The following MVB12B variants were observed in gnomAD, a reference collection of about 807,000 sequenced individuals.
MVB12B encodes the protein multivesicular body subunit 12B.
A neutral mutation model predicts 41.6 loss-of-function variants in MVB12B; 16 were observed. That is an observed-to-expected ratio of 0.38 (90% CI 0.26 to 0.58). The LOEUF (loss-of-function observed/expected upper bound fraction) is 0.58, where lower values mean the gene tolerates loss of function less well. MVB12B is among the 20% of genes least tolerant of loss of function. The pLI is 0.62. For missense variants in MVB12B, 274 were observed against 380.2 expected, an observed-to-expected ratio of 0.72 and a Z score of 2.32; for synonymous variants, 133 against 139.7, an observed-to-expected ratio of 0.95 and a Z score of 0.34.
intron 7 of MVB12B, among the ~76,000 whole-genome samples, chr9:126,430,912 T>C (rs935685660): frequency 5.9e-5 from 9 of 152,252 alleles, no homozygotes; most frequent in African/African-American, 2.2e-4. Context: ...AATGCAGTAA[T>C]GCCCGTTTCC....
chr9:126,495,165 C>A (rs1833804269), intron 9 of MVB12B, among the ~76,000 whole-genome samples: 1 of 142,348 alleles, frequency 7.0e-6, no homozygotes, highest in Admixed American at 7.2e-5. Context: ...GCACTCCAGC[C>A]TGGGTAACAG....
At chr9:126,410,826 G>A (rs961304051) in intron 6 of MVB12B, among the ~76,000 whole-genome samples, 4 of 151,954 alleles carry the variant, frequency 2.6e-5, no homozygotes, top group Non-Finnish European at 4.4e-5. Context: ...TACCTCCCAG[G>A]GCCTAACAGA....
At chr9:126,328,888 T>A (rs980960933) in intron 1 of MVB12B, among the ~76,000 whole-genome samples, 2 of 152,132 alleles carry the variant, frequency 1.3e-5, no homozygotes, top group African/African-American at 4.8e-5. Context: ...ACTCAAGCGA[T>A]TCTCCCACCT....
chr9:126,471,227 G>C (rs1000424412), intron 7 of MVB12B, among the ~76,000 whole-genome samples: 1 of 152,182 alleles, frequency 6.6e-6, no homozygotes, highest in Non-Finnish European at 1.5e-5. Flanking sequence ...GTTGCTGTCT[G>C]ATCCCTCAGC....
At chr9:126,490,287 C>T (rs1206264759) in intron 9 of MVB12B, among the ~76,000 whole-genome samples, 1 of 152,188 alleles carries the variant, frequency 6.6e-6, no homozygotes, top group Non-Finnish European at 1.5e-5. Context: ...TCCCCACCCA[C>T]GGTCCCGCCC....
intron 7 of MVB12B, among the ~76,000 whole-genome samples, chr9:126,423,619 A>G (rs553177935): frequency 6.6e-6 from 1 of 152,326 alleles, no homozygotes; most frequent in South Asian, 2.1e-4. Flanking sequence ...AGTGGCTGCA[A>G]GCACCAAATT....
At chr9:126,397,803 G>A (rs1831158670) in intron 6 of MVB12B, among the ~76,000 whole-genome samples, 1 of 152,088 alleles carries the variant, frequency 6.6e-6, no homozygotes, top group Admixed American at 6.5e-5. Flanking sequence ...TTCCATTGAA[G>A]ACCTAGGAAA....
chr9:126,350,325 G>A (rs1401959927), intron 2 of MVB12B, among the ~76,000 whole-genome samples: 1 of 152,110 alleles, frequency 6.6e-6, no homozygotes, highest in African/African-American at 2.4e-5. Context: ...CAGAGCAAAT[G>A]TTTTTAATTT....
rs761007208 is a variant in MVB12B at position 126,439,083 on chromosome 9, AC to A, written c.757+17136del. ...ATTCCCTTAGCCCTGGGGGAATCGG[AC>A]TTTTTTTTTTATTTTAATACACTTC... On this transcript the variant is annotated intron_variant, in intron 7 of 9. Coordinates refer to ENST00000361171, the MANE Select transcript of MVB12B (RefSeq NM_033446.3). Among the ~76,000 whole-genome samples the A allele has an allele frequency of 5.9e-5, 9 of 151,550 alleles. No individual in the cohort carries two copies. The East Asian group carries it at 1.6e-3, about 26-fold the overall frequency.
chr9:126,399,971 C>A (rs1237804335), intron 6 of MVB12B, among the ~76,000 whole-genome samples: 1 of 152,194 alleles, frequency 6.6e-6, no homozygotes, highest in Non-Finnish European at 1.5e-5. Context: ...ACACAGGAGC[C>A]AAACTGAGGC....
intron 1 of MVB12B, 170 bp downstream of exon 1, chr9:126,327,180 G>A (rs1354205258): frequency 4.6e-6 from 4 of 876,688 alleles, no homozygotes; most frequent in Non-Finnish European, 5.5e-6. Context: ...AGGCCCGGGC[G>A]GCCTTTGCAG....
At chr9:126,375,495 C>A (rs142481655) in intron 2 of MVB12B, among the ~76,000 whole-genome samples, 3 of 151,740 alleles carry the variant, frequency 2.0e-5, no homozygotes, top group African/African-American at 7.3e-5. Context: ...ATGCTCTCCC[C>A]TCCACATCCC....
intron 2 of MVB12B, among the ~76,000 whole-genome samples, chr9:126,362,248 A>G (rs1393798496): frequency 6.6e-6 from 1 of 152,206 alleles, no homozygotes; most frequent in East Asian, 1.9e-4. Context: ...TTGAACCACT[A>G]GATATTGTCC....
chr9:126,421,175 C>T (rs1229143745), intron 6 of MVB12B, among the ~76,000 whole-genome samples: 5 of 152,232 alleles, frequency 3.3e-5, no homozygotes, highest in African/African-American at 1.2e-4. Flanking sequence ...TAAATGCTCA[C>T]TTAGGCTGAG....
intron 4 of MVB12B, among the ~76,000 whole-genome samples, chr9:126,387,596 G>T (rs986950139): frequency 1.3e-5 from 2 of 152,166 alleles, no homozygotes; most frequent in South Asian, 2.1e-4. Flanking sequence ...AGACCCCGTT[G>T]TATAGCATAT....
chr9:126,474,181 A>C (rs1034960735), intron 7 of MVB12B, among the ~76,000 whole-genome samples: 1 of 152,150 alleles, frequency 6.6e-6, no homozygotes, highest in African/African-American at 2.4e-5. Context: ...AGGGGTGAAA[A>C]TGTGTGTCTC....
intron 7 of MVB12B, among the ~76,000 whole-genome samples, chr9:126,463,590 T>A (rs1038677432): frequency 6.6e-6 from 1 of 152,146 alleles, no homozygotes; most frequent in African/African-American, 2.4e-5. Context: ...TGGTGACTCA[T>A]CTTTTGGAAT....
chr9:126,425,814 G>T (rs1832160324), intron 7 of MVB12B, among the ~76,000 whole-genome samples: 1 of 152,142 alleles, frequency 6.6e-6, no homozygotes, highest in African/African-American at 2.4e-5. Flanking sequence ...CACTCTGTAG[G>T]GTTTTGAAGA....
chr9:126,495,605 C>T (rs113285748), intron 9 of MVB12B, among the ~76,000 whole-genome samples: 35 of 152,124 alleles, frequency 2.3e-4, no homozygotes, highest in African/African-American at 6.5e-4. Flanking sequence ...CCCAGCTGGG[C>T]GCCGTGTAGG....
Sources: gnomAD v4.1 joint callset for allele counts (sites outside exome capture counted in the v4.1 genomes callset) on GRCh38, gnomAD v4.1.1 for gene constraint, MANE v1.5 for transcripts, NCBI Gene and HGNC (gene_info 2026-07-23, HGNC 2026-07-21) for gene names.